Variants in SEMA5B observed in about 807,000 individuals in gnomAD.
SEMA5B encodes the protein semaphorin-5B.
A neutral mutation model predicts 135.0 loss-of-function variants in SEMA5B; 66 were observed. That is an observed-to-expected ratio of 0.49 (90% CI 0.40 to 0.60). The LOEUF is 0.60. SEMA5B is among the 20% of genes least tolerant of loss of function. SEMA5B has a pLI of 0.00. For missense variants in SEMA5B, 1,501 were observed against 1,566.3 expected, an observed-to-expected ratio of 0.96 and a Z score of 0.70; for synonymous variants, 690 against 639.5, an observed-to-expected ratio of 1.08 and a Z score of -1.19.
chr3:122,969,826 G>A (rs1232406395), intron 1 of SEMA5B, among the ~76,000 whole-genome samples: 1 of 152,216 alleles, frequency 6.6e-6, no homozygotes, highest in Non-Finnish European at 1.5e-5. Context: ...GGGAATGTAA[G>A]AATCATCTCT....
intron 1 of SEMA5B, among the ~76,000 whole-genome samples, chr3:123,020,219 T>C (rs1942646934): frequency 6.6e-6 from 1 of 152,192 alleles, no homozygotes; most frequent in African/African-American, 2.4e-5. Context: ...AAATAAATTA[T>C]GGCGCATCCG....
At chr3:122,942,646 G>A (rs1313988060) in intron 4 of SEMA5B, among the ~76,000 whole-genome samples, 5 of 152,174 alleles carry the variant, frequency 3.3e-5, no homozygotes, top group African/African-American at 9.7e-5. Flanking sequence ...AAATAAGGAC[G>A]GTTGGATGAC....
rs1276916446 is a variant in SEMA5B, at chr3:122,911,006, C to A, written c.3131G>T (p.Cys1044Phe). The A allele has an allele frequency of 6.2e-7, 1 of 1,613,668 alleles. No individual in the cohort carries two copies. Among genetic ancestry groups the A allele is most frequent in the Non-Finnish European group, 8.5e-7 (1 of 1,179,830 alleles). Residue 1044 changes from cysteine to phenylalanine, a missense_variant, in exon 22 of 23, where the codon TGC becomes TTC. Physicochemically the swap from Cys to Phe is radical, Grantham distance 205. Transcript: ENST00000357599. ...LIHLVATGIS[C>F]FLGSGLLTLA... ...GGTCAGGAGCCCAGAGCCCAAGAAG[C>A]AGGAGATGCCCGTGGCCACCAAGTG...
chr3:122,937,680 C>T (rs1290726706), intron 5 of SEMA5B, among the ~76,000 whole-genome samples: 1 of 152,102 alleles, frequency 6.6e-6, no homozygotes, highest in African/African-American at 2.4e-5. Flanking sequence ...CATAAGCTAC[C>T]TGCCCCAGGC....
chr3:122,928,422 C>T, intron 7 of SEMA5B, 95 bp downstream of exon 7: 1 of 932,912 alleles, frequency 1.1e-6, no homozygotes. Flanking sequence ...TGTCTGTTTG[C>T]AAAATTTGGT....
intron 1 of SEMA5B, among the ~76,000 whole-genome samples, chr3:122,978,079 C>T (rs946014308): frequency 6.6e-6 from 1 of 152,234 alleles, no homozygotes; most frequent in African/African-American, 2.4e-5. Flanking sequence ...AGTCCTGCCC[C>T]CAGGCAGGGA....
chr3:122,920,364 G>A (rs1226099162), intron 12 of SEMA5B, among the ~76,000 whole-genome samples: 1 of 152,194 alleles, frequency 6.6e-6, no homozygotes, highest in Admixed American at 6.5e-5. Flanking sequence ...AAAATACTGA[G>A]ACACTGGGTT....
At chr3:123,020,206 G>A (rs1942646676) in intron 1 of SEMA5B, among the ~76,000 whole-genome samples, 1 of 152,164 alleles carries the variant, frequency 6.6e-6, no homozygotes, top group South Asian at 2.1e-4. Context: ...CGGGGGGTTT[G>A]TTAAATAAAT....
chr3:122,911,397 G>C (rs1937692595), intron 21 of SEMA5B, 94 bp downstream of exon 21: 4 of 1,559,466 alleles, frequency 2.6e-6, no homozygotes, highest in South Asian at 1.2e-5. Flanking sequence ...AAGCTTGGCT[G>C]TCTGGAGCAG....
At chr3:122,975,943 C>T in intron 1 of SEMA5B, 1 of 1,529,354 alleles carries the variant, frequency 6.5e-7, no homozygotes, top group Non-Finnish European at 8.8e-7. Flanking sequence ...CCCCCTCCAT[C>T]CAACCTCCTC....
intron 2 of SEMA5B, among the ~76,000 whole-genome samples, chr3:122,950,243 G>A (rs1939983299): frequency 6.6e-6 from 1 of 152,156 alleles, no homozygotes; most frequent in South Asian, 2.1e-4. Context: ...CTCATCTATG[G>A]GTTTAGCAAA....
At chr3:122,952,681 A>G (rs931060582) in intron 2 of SEMA5B, among the ~76,000 whole-genome samples, 1 of 152,134 alleles carries the variant, frequency 6.6e-6, no homozygotes, top group Admixed American at 6.5e-5. Flanking sequence ...CTTATGCTGG[A>G]TGCCCTCTGC....
At chr3:122,910,403 C>CA in intron 22 of SEMA5B, 102 bp from the exon 23 acceptor site, 2 of 1,234,332 alleles carry the variant, frequency 1.6e-6, no homozygotes, top group Non-Finnish European at 2.3e-6. Flanking sequence ...CAAGAACACT[C>CA]AGACTGCGGA....
chr3:122,990,083 G>T (rs917202856), intron 1 of SEMA5B, among the ~76,000 whole-genome samples: 1 of 152,122 alleles, frequency 6.6e-6, no homozygotes, highest in Non-Finnish European at 1.5e-5. Context: ...ATCACACAAG[G>T]CATTTCAAAG....
In SEMA5B at chr3:122,961,289, C is replaced by G. The variant is rs751673691; in HGVS notation, c.-26G>C. 111 of 1,613,364 alleles carry G rather than the reference C, an allele frequency of 6.9e-5. No homozygotes were observed. The highest frequency in any genetic ancestry group is 7.0e-5 in the Non-Finnish European group (83 of 1,179,660). On this transcript the variant is annotated 5_prime_UTR_variant, in exon 2 of 23. Coordinates refer to ENST00000357599, the MANE Select transcript of SEMA5B (RefSeq NM_001031702.4). ...CCAAGAGACACAGGCCAGGCACCAG[C>G]TGGAACCACTCACTGAAGGGGGAGA...
At chr3:123,005,519 A>G (rs1043949032) in intron 1 of SEMA5B, among the ~76,000 whole-genome samples, 2 of 151,904 alleles carry the variant, frequency 1.3e-5, no homozygotes, top group Admixed American at 1.3e-4. Flanking sequence ...GCATTCCCAT[A>G]CCTGGCTAAT....
At chr3:122,943,062 G>A (rs550458633) in intron 4 of SEMA5B, among the ~76,000 whole-genome samples, 11 of 152,288 alleles carry the variant, frequency 7.2e-5, no homozygotes, top group African/African-American at 1.9e-4. Context: ...CCGGCTGGCC[G>A]GCAGGGGGCC....
chr3:123,024,925 G>T (rs1260714919), intron 1 of SEMA5B, among the ~76,000 whole-genome samples: 1 of 152,196 alleles, frequency 6.6e-6, no homozygotes, highest in Non-Finnish European at 1.5e-5. Flanking sequence ...TCAACACACT[G>T]TGACCTGCCT....
At position 122,968,466 on chromosome 3, in the gene SEMA5B, T is replaced by C. The variant is rs112099767; in HGVS notation, c.-38-7165A>G. On this transcript the variant is annotated intron_variant, in intron 1 of 22. Coordinates refer to ENST00000357599, the MANE Select transcript of SEMA5B (RefSeq NM_001031702.4). Reference sequence around the variant, plus strand: ...CCTTGGGGGTGACCTAGTAGCGGGATAGGATGGGGATCCAGCCCCAAGGTG... The same window carrying C: ...CCTTGGGGGTGACCTAGTAGCGGGACAGGATGGGGATCCAGCCCCAAGGTG... Among the ~76,000 whole-genome samples the C allele has an allele frequency of 5.9e-3, 901 of 152,222 alleles. 11 individuals are homozygous for C. The highest frequency in any genetic ancestry group is 0.021 in the African/African-American group (875 of 41,560).
Sources: gnomAD v4.1 joint callset for allele counts (sites outside exome capture counted in the v4.1 genomes callset) on GRCh38, gnomAD v4.1.1 for gene constraint, MANE v1.5 for transcripts, NCBI Gene and HGNC (gene_info 2026-07-23, HGNC 2026-07-21) for gene names.